Variants in DCC observed in about 807,000 individuals in gnomAD.
DCC encodes netrin receptor DCC.
DCC carries 58 observed loss-of-function variants against 172.5 expected under a neutral mutation model. The ratio of observed to expected loss-of-function variants is 0.34; its 90% CI spans 0.27 to 0.42. The LOEUF (loss-of-function observed/expected upper bound fraction) is 0.42, where lower values mean the gene tolerates loss of function less well. DCC is among the 10% of genes least tolerant of loss of function. The pLI, the probability that DCC is intolerant of heterozygous loss-of-function variation, is 1.00. For missense variants in DCC, 1,740 were observed against 1,791.0 expected, an observed-to-expected ratio of 0.97 and a Z score of 0.51; for synonymous variants, 709 against 644.5, an observed-to-expected ratio of 1.10 and a Z score of -1.52.
At chr18:53,034,665 T>A (rs2042068290) in intron 5 of DCC, among the ~76,000 whole-genome samples, 1 of 151,858 alleles carries the variant, frequency 6.6e-6, no homozygotes, top group African/African-American at 2.4e-5. Flanking sequence ...GTGATCCTGA[T>A]CAATCTGTCA....
chr18:53,417,867 C>T (rs1910411006), intron 21 of DCC, among the ~76,000 whole-genome samples: 1 of 152,070 alleles, frequency 6.6e-6, no homozygotes, highest in South Asian at 2.1e-4. Flanking sequence ...TTTAAACCAC[C>T]ACACATATAT....
Position 52,712,101 on chromosome 18 carries a change from C to T in DCC, c.92-39953C>T, listed in dbSNP as rs150422735. Among the ~76,000 whole-genome samples, 29 of 152,200 alleles carry T rather than the reference C, an allele frequency of 1.9e-4. No individual in the cohort carries two copies. The East Asian group carries it at 5.2e-3, about 27-fold the overall frequency. ...TCAGCCTCCTGAGTAGCTGGGACTACAGGCACACACCACCACACCCAGCTA... is the reference window on the plus strand; with the variant it reads ...TCAGCCTCCTGAGTAGCTGGGACTATAGGCACACACCACCACACCCAGCTA... On this transcript the variant is annotated intron_variant, in intron 1 of 28. Transcript: ENST00000442544.
At position 53,157,886 on chromosome 18, in the gene DCC, A is replaced by G. The variant is rs561537120; in HGVS notation, c.1418+374A>G. Among the ~76,000 whole-genome samples the G allele has an allele frequency of 3.9e-5, 6 of 152,336 alleles. No individual in the cohort carries two copies. The South Asian group carries it at 1.2e-3, about 32-fold the overall frequency. On this transcript the variant is annotated intron_variant, in intron 8 of 28. Transcript: ENST00000442544. ...TGTCATTGACATCACATGAGCTCCAAAAAACCACATGACTTCTCTGAGCCT... is the reference window on the plus strand; with the variant it reads ...TGTCATTGACATCACATGAGCTCCAGAAAACCACATGACTTCTCTGAGCCT...
At chr18:52,508,398 A>G (rs539007528) in intron 1 of DCC, among the ~76,000 whole-genome samples, 3 of 152,222 alleles carry the variant, frequency 2.0e-5, no homozygotes, top group Non-Finnish European at 4.4e-5. Context: ...AGAAAGAAAA[A>G]TAAATTCTTT....
chr18:53,032,787 C>T (rs1040955700), intron 5 of DCC, among the ~76,000 whole-genome samples: 1 of 151,958 alleles, frequency 6.6e-6, no homozygotes, highest in African/African-American at 2.4e-5. Context: ...AGTTTGGAGC[C>T]CTGTAGCTGA....
intron 1 of DCC, among the ~76,000 whole-genome samples, chr18:52,386,761 G>T (rs981146523): frequency 6.6e-6 from 1 of 152,042 alleles, no homozygotes; most frequent in Non-Finnish European, 1.5e-5. Flanking sequence ...GTGCTGTTTT[G>T]TTTCCCATAT....
chr18:53,110,477 G>A (rs981486039), intron 7 of DCC, among the ~76,000 whole-genome samples: 4 of 151,574 alleles, frequency 2.6e-5, no homozygotes, highest in African/African-American at 4.8e-5. Context: ...TGCCACTTTG[G>A]TCTAAGTTTA....
intron 1 of DCC, among the ~76,000 whole-genome samples, chr18:52,342,300 T>TGC (rs928409697): frequency 6.8e-6 from 1 of 147,448 alleles, no homozygotes; most frequent in Non-Finnish European, 1.5e-5. Flanking sequence ...TGTGTGTGTG[T>TGC]GCACGCGCGC....
At chr18:52,479,309 T>A (rs1396695950) in intron 1 of DCC, among the ~76,000 whole-genome samples, 2 of 152,212 alleles carry the variant, frequency 1.3e-5, no homozygotes, top group African/African-American at 4.8e-5. Context: ...TACTGCCTGT[T>A]AGAAAAATCA....
chr18:53,089,382 G>GTAATACAT lies in DCC; in HGVS notation c.1261+23216_1261+23217insTAATACAT, dbSNP rs1568297505. On this transcript the variant is annotated intron_variant, in intron 7 of 28. Transcript: ENST00000442544. Reference sequence around the variant, plus strand: ...ATTACAGGTGTGAGCCACTGCACCCGGCCGTACTCATGTATTTTTAAGTAA... The same window carrying GTAATACAT: ...ATTACAGGTGTGAGCCACTGCACCCGTAATACATGCCGTACTCATGTATTTTTAAGTAA... Among the ~76,000 whole-genome samples, 9 of 151,942 alleles carry GTAATACAT rather than the reference G, an allele frequency of 5.9e-5. No individual in the cohort carries two copies. The East Asian group carries it at 1.2e-3, about 20-fold the overall frequency.
chr18:53,107,778 G>T (rs944189463), intron 7 of DCC, among the ~76,000 whole-genome samples: 6 of 151,822 alleles, frequency 4.0e-5, no homozygotes, highest in Non-Finnish European at 8.8e-5. Context: ...GTTTGCCATC[G>T]TATAATAGCT....
chr18:53,278,623 T>C (rs1236964836), intron 12 of DCC, among the ~76,000 whole-genome samples: 1 of 152,186 alleles, frequency 6.6e-6, no homozygotes, highest in Non-Finnish European at 1.5e-5. Flanking sequence ...GGAAAGCCTA[T>C]TGATGTGACT....
intron 13 of DCC, among the ~76,000 whole-genome samples, chr18:53,306,225 ACC>A: frequency 6.6e-6 from 1 of 152,336 alleles, no homozygotes; most frequent in East Asian, 1.9e-4. Context: ...GAGTAGATCA[ACC>A]TTCTCTATGA....
At chr18:52,857,021 A>G (rs2039066773) in intron 2 of DCC, among the ~76,000 whole-genome samples, 2 of 152,246 alleles carry the variant, frequency 1.3e-5, no homozygotes, top group African/African-American at 2.4e-5. Context: ...AAGCAGATCC[A>G]CATTCTCTTC....
At chr18:53,387,488 A>G (rs538068159) in intron 16 of DCC, among the ~76,000 whole-genome samples, 5 of 152,332 alleles carry the variant, frequency 3.3e-5, no homozygotes, top group Non-Finnish European at 7.3e-5. Flanking sequence ...TGTATAATCA[A>G]AGGGGTTCAT....
intron 1 of DCC, among the ~76,000 whole-genome samples, chr18:52,638,902 C>T (rs766026660): frequency 2.0e-5 from 3 of 152,092 alleles, no homozygotes; most frequent in Admixed American, 1.3e-4. Context: ...ACAGAATACA[C>T]GTTCTATTTA....
At chr18:52,863,076 C>A (rs1324569214) in intron 2 of DCC, among the ~76,000 whole-genome samples, 2 of 151,996 alleles carry the variant, frequency 1.3e-5, no homozygotes, top group Non-Finnish European at 2.9e-5. Context: ...TATTTTCTTT[C>A]TTTCCCTTTT....
intron 1 of DCC, among the ~76,000 whole-genome samples, chr18:52,421,011 T>C (rs995516717): frequency 8.5e-5 from 13 of 152,138 alleles, no homozygotes; most frequent in African/African-American, 2.4e-5. Context: ...TTGGTATTAT[T>C]ACTTTTGCTA....
chr18:53,232,992 G>C (rs1207770665), intron 12 of DCC, among the ~76,000 whole-genome samples: 2 of 150,544 alleles, frequency 1.3e-5, no homozygotes, highest in African/African-American at 4.9e-5. Context: ...TTTTAAAACT[G>C]GACCTTGTGG....
Sources: allele counts gnomAD v4.1 joint callset (sites outside exome capture counted in the v4.1 genomes callset), GRCh38; gene constraint gnomAD v4.1.1; transcripts MANE v1.5; gene names NCBI Gene and HGNC (gene_info 2026-07-23, HGNC 2026-07-21).